The following TRAF3IP3 variants were observed in gnomAD, a reference collection of about 807,000 sequenced individuals.
TRAF3IP3 encodes TRAF3 interacting protein 3, also known as TRAF3-interacting JNK-activating modulator.
A neutral mutation model predicts 86.5 loss-of-function variants in TRAF3IP3; 64 were observed. That is an observed-to-expected ratio of 0.74 (90% CI 0.60 to 0.91). The LOEUF (loss-of-function observed/expected upper bound fraction) is 0.91, where lower values mean the gene tolerates loss of function less well. TRAF3IP3 is among the 40% of genes least tolerant of loss of function. The pLI is 0.00. For missense variants in TRAF3IP3, 579 were observed against 642.9 expected, an observed-to-expected ratio of 0.90 and a Z score of 1.07; for synonymous variants, 220 against 243.9, an observed-to-expected ratio of 0.90 and a Z score of 0.91.
In TRAF3IP3 at chr1:209,781,454, CCA is replaced by C. The variant is rs774329414; in HGVS notation, c.1560_1561del (p.Arg521LysfsTer25). The C allele has an allele frequency of 6.2e-7, 1 of 1,611,682 alleles. No individual in the cohort carries two copies. Among genetic ancestry groups the C allele is most frequent in the Non-Finnish European group, 8.5e-7 (1 of 1,178,124 alleles). ...CTGAACCAGAGCCAGCAGCTGCCTCCCAGAGTAAGAGGGTCTCTCCTTCCCAT... is the reference window on the plus strand; with the variant it reads ...CTGAACCAGAGCCAGCAGCTGCCTCCGAGTAAGAGGGTCTCTCCTTCCCAT... On this transcript the variant is annotated frameshift_variant and splice_region_variant, in exon 16 of 17. Transcript: ENST00000367025. LOFTEE classifies it high-confidence loss of function.
rs754825376 is a variant in TRAF3IP3, at chr1:209,778,981, C to T, written c.1253-334C>T. ...CTCTTTCCTTGGCTTTGTAGATGGC[C>T]GTCTTCTCTCTGTGTCTCTTCACAT... On this transcript the variant is annotated intron_variant, in intron 13 of 16. Transcript: ENST00000367025. 1.2e-4 allele frequency: 37 copies of T among 311,596 alleles called. 1 individual carries two copies. Among genetic ancestry groups the T allele is most frequent in the South Asian group, 4.4e-4 (12 of 26,978 alleles). The allele number at this position is 311,596 out of a possible 1,614,324, so 19.3% of individuals were successfully genotyped here. A position where few individuals can be genotyped will look rare whatever the true frequency, so the allele number is the denominator to read the frequency against.
rs562221009 is a variant in TRAF3IP3 at position 209,770,660 on chromosome 1, GGT to G, written c.703-2278_703-2277del. Among the ~76,000 whole-genome samples, 354 of 142,152 alleles carry G rather than the reference GGT, an allele frequency of 2.5e-3. 4 individuals carry two copies. Among genetic ancestry groups the G allele is most frequent in the African/African-American group, 9.1e-3 (344 of 37,632 alleles). The allele number at this position is 142,152 out of a possible 152,430, so 93.3% of individuals were successfully genotyped here. A position where few individuals can be genotyped will look rare whatever the true frequency, so the allele number is the denominator to read the frequency against. On this transcript the variant is annotated intron_variant, in intron 8 of 16. Transcript: ENST00000367025. ...GTGGAGGTGCACATGTGCATGTGAAGGTGTGTGTGTGCATATGGAGGTGTGTG... is the reference window on the plus strand; with the variant it reads ...GTGGAGGTGCACATGTGCATGTGAAGGTGTGTGTGCATATGGAGGTGTGTG...
chr1:209,777,507 C>T lies in TRAF3IP3; in HGVS notation c.1189+20C>T. 1.3e-6 allele frequency: 2 copies of T among 1,587,598 alleles called. No individual in the cohort carries two copies. The highest frequency in any genetic ancestry group is 1.7e-6 in the Non-Finnish European group (2 of 1,163,324). Reference sequence around the variant, plus strand: ...TACAAGGTACTCTTCTCCTTGGAGGCCTTGAGTGCATGGCAGCCATGGCCA... The same window carrying T: ...TACAAGGTACTCTTCTCCTTGGAGGTCTTGAGTGCATGGCAGCCATGGCCA... On this transcript the variant is annotated intron_variant, in intron 12 of 16. Transcript: ENST00000367025.
At position 209,777,484 on chromosome 1, in the gene TRAF3IP3, C is replaced by T. The variant is rs1031910707; in HGVS notation, c.1186C>T (p.Gln396Ter). ...GTGCAGCTTGGATACCCAGGACCTA[C>T]AAGGTACTCTTCTCCTTGGAGGCCT... is the stretch of plus-strand genomic sequence containing the variant. Reference protein sequence around the residue: ...DLCSLDTQDLQDQLKRSEAEK... With the variant: ...DLCSLDTQDL Residue 396 changes from glutamine to a stop codon, truncating the protein, a stop_gained, in exon 12 of 17, where the codon CAA becomes TAA. Coordinates refer to ENST00000367025, the MANE Select transcript of TRAF3IP3 (RefSeq NM_025228.4). LOFTEE classifies it high-confidence loss of function. The T allele has an allele frequency of 5.6e-6, 9 of 1,611,716 alleles. No homozygotes were observed. Among genetic ancestry groups the T allele is most frequent in the Non-Finnish European group, 7.6e-6 (9 of 1,178,440 alleles).
chr1:209,779,248 G>C, intron 13 of TRAF3IP3, 67 bp from the exon 14 acceptor site: 8 of 1,381,244 alleles, frequency 5.8e-6, no homozygotes, highest in Non-Finnish European at 8.2e-6. Flanking sequence ...TCTAAGCAAA[G>C]TTCTGAAAAG....
rs1238490590 is a variant in TRAF3IP3, at chr1:209,763,553, C to A, written c.668C>A (p.Ser223Tyr). The change falls in exon 8 of 17, where the codon TCC (serine) becomes TAC (tyrosine). Residue 223 changes from serine (S) to tyrosine (Y), a missense_variant. Physicochemically the swap from Ser to Tyr is moderately radical, Grantham distance 144. Coordinates refer to ENST00000367025, the MANE Select transcript of TRAF3IP3 (RefSeq NM_025228.4). The stretch of plus-strand genomic sequence containing the variant: ...ATGGTGATTCTCCAAGACCTACTGT[C>A]CACTCTGATTCAGGCCTCTGACAGC... Reference protein sequence around the residue: ...QKMVILQDLLSTLIQASDSSW... With the variant: ...QKMVILQDLLYTLIQASDSSW... 6.2e-7 allele frequency: 1 copy of A among 1,614,176 alleles called. No homozygotes were observed.
chr1:209,765,954 C>CT (rs1237442057), intron 8 of TRAF3IP3, among the ~76,000 whole-genome samples: 2 of 152,304 alleles, frequency 1.3e-5, no homozygotes, highest in East Asian at 3.9e-4. Context: ...TTAGTATGTA[C>CT]TATAAATTCA....
chr1:209,765,178 GGAGAGAGAGAGAGAGAGAGA>G (rs375415223), intron 8 of TRAF3IP3, among the ~76,000 whole-genome samples: 6 of 87,842 alleles, frequency 6.8e-5, no homozygotes, highest in East Asian at 7.9e-4. Flanking sequence ...CTGAGAGACA[GGAGAGAGAGAGAGAGAGAGA>G]GAGAGAGAGA....
chr1:209,781,954 A>G, intron 16 of TRAF3IP3, 102 bp from the exon 17 acceptor site: 1 of 923,512 alleles, frequency 1.1e-6, no homozygotes, highest in Admixed American at 2.0e-5. Context: ...CCACCAACCC[A>G]GCGTTTTCCA....
rs2077777576 is a variant in TRAF3IP3 at position 209,781,423 on chromosome 1, G to T, written c.1528G>T (p.Glu510Ter). The change falls in exon 16 of 17, where the codon GAA (glutamate) becomes TAA (stop). Residue 510 changes from glutamate (E) to a stop codon, truncating the protein, a stop_gained. Transcript: ENST00000367025. LOFTEE classifies it high-confidence loss of function. ...SCLRKLQHCR[E>*]ELNQSQQLPP... Reference sequence around the variant, plus strand: ...CCTGCGTAAGCTGCAGCACTGTCGAGAAGAGCTGAACCAGAGCCAGCAGCT... The same window carrying T: ...CCTGCGTAAGCTGCAGCACTGTCGATAAGAGCTGAACCAGAGCCAGCAGCT... 1 of 1,613,450 alleles carries T rather than the reference G, an allele frequency of 6.2e-7. No individual in the cohort carries two copies. The highest frequency in any genetic ancestry group is 1.3e-5 in the African/African-American group (1 of 75,054).
intron 15 of TRAF3IP3, 106 bp from the exon 16 acceptor site, chr1:209,781,239 G>A (rs1210120639): frequency 1.5e-6 from 1 of 672,798 alleles, no homozygotes; most frequent in Non-Finnish European, 2.7e-6. Context: ...AGGGAAGATG[G>A]TGGTAAAAAT....
At chr1:209,780,330 T>G in intron 14 of TRAF3IP3, 140 bp from the exon 15 acceptor site, 2 of 701,212 alleles carry the variant, frequency 2.9e-6, no homozygotes, top group Non-Finnish European at 4.2e-6. Flanking sequence ...AACCTTTATG[T>G]CAGAGAATGC....
intron 8 of TRAF3IP3, among the ~76,000 whole-genome samples, chr1:209,766,651 G>C (rs2077362257): frequency 6.6e-6 from 1 of 152,180 alleles, no homozygotes; most frequent in Non-Finnish European, 1.5e-5. Flanking sequence ...ACCACTTGAG[G>C]CCAGGAGTTC....
At chr1:209,764,249 G>A (rs1297423194) in intron 8 of TRAF3IP3, among the ~76,000 whole-genome samples, 1 of 152,156 alleles carries the variant, frequency 6.6e-6, no homozygotes, top group East Asian at 1.9e-4. Flanking sequence ...CTTTGAGAAG[G>A]CTCACGGTTT....
intron 8 of TRAF3IP3, among the ~76,000 whole-genome samples, chr1:209,770,311 G>C (rs2077440639): frequency 1.3e-5 from 2 of 152,212 alleles, no homozygotes; most frequent in South Asian, 4.1e-4. Flanking sequence ...ATGTGGAAAT[G>C]TATGTATGCA....
rs1330180899 is a variant in TRAF3IP3 at position 209,778,093 on chromosome 1, G to C, written c.1190-18G>C. On this transcript the variant is annotated intron_variant, in intron 12 of 16. Transcript: ENST00000367025. The stretch of plus-strand genomic sequence containing the variant: ...GTCTTGGGTTCCTTTATTTTGGCTT[G>C]CATTATTGCATTTTCAGATCAACTA... 4.3e-6 allele frequency: 7 copies of C among 1,612,728 alleles called. No homozygotes were observed. The highest frequency in any genetic ancestry group is 5.9e-6 in the Non-Finnish European group (7 of 1,179,060).
chr1:209,780,252 C>A, intron 14 of TRAF3IP3: 1 of 360,772 alleles, frequency 2.8e-6, no homozygotes, highest in East Asian at 4.3e-5. Context: ...GAAAAGATCC[C>A]AATCTTGCCC....
intron 15 of TRAF3IP3, chr1:209,780,815 A>G (rs1340319332): frequency 5.6e-6 from 2 of 356,330 alleles, no homozygotes; most frequent in Admixed American, 9.5e-5. Context: ...AGGTTTTATT[A>G]AATGATTACC....
intron 8 of TRAF3IP3, among the ~76,000 whole-genome samples, chr1:209,771,095 GGTGGAAGTGTGCATGCAT>G (rs1189431582): frequency 2.5e-4 from 34 of 137,522 alleles, no homozygotes; most frequent in Non-Finnish European, 4.7e-4. Flanking sequence ...TGTGTGTGCA[GGTGGAAGTGTGCATGCAT>G]GTGGAAGTGT....
Sources: gnomAD v4.1 joint callset for allele counts (sites outside exome capture counted in the v4.1 genomes callset) on GRCh38, gnomAD v4.1.1 for gene constraint, MANE v1.5 for transcripts, NCBI Gene and HGNC (gene_info 2026-07-23, HGNC 2026-07-21) for gene names.